The following ABHD13 variants were observed in gnomAD, a reference collection of about 807,000 sequenced individuals.
The protein encoded by ABHD13 is abhydrolase domain containing 13, also known as protein ABHD13.
A neutral mutation model predicts 25.2 loss-of-function variants in ABHD13; 7 were observed. The observed-to-expected ratio is 0.28, with a 90% CI of 0.16 to 0.52. ABHD13 has a LOEUF of 0.52. Among genes scored for constraint, ABHD13 ranks in the 20% least tolerant of loss-of-function variants. ABHD13 has a pLI of 0.96. For missense variants in ABHD13, 302 were observed against 402.7 expected (o/e 0.75, Z 2.14); for synonymous variants, 133 against 136.1 (o/e 0.98, Z 0.16).
intron 1 of ABHD13, among the ~76,000 whole-genome samples, chr13:108,225,458 A>G (rs929915238): frequency 6.6e-6 from 1 of 152,168 alleles, no homozygotes. Context: ...AGAAACAGCA[A>G]TTTGAGTGTA....
At chr13:108,227,543 T>C (rs754158358) in intron 1 of ABHD13, among the ~76,000 whole-genome samples, 2 of 152,086 alleles carry the variant, frequency 1.3e-5, no homozygotes, top group Non-Finnish European at 2.9e-5. Flanking sequence ...TTTTAAAATA[T>C]GCCTTATTCG....
At chr13:108,222,443 T>C (rs1879588758) in intron 1 of ABHD13, among the ~76,000 whole-genome samples, 1 of 152,064 alleles carries the variant, frequency 6.6e-6, no homozygotes. Flanking sequence ...TTTAAAAAAA[T>C]GTAATATATC....
chr13:108,230,393 T>C lies in ABHD13; in HGVS notation c.*161T>C, dbSNP rs1322513384. 7 of 612,216 alleles carry C rather than the reference T, an allele frequency of 1.1e-5. No homozygotes were observed. The Admixed American group carries it at 2.2e-4, about 19-fold the overall frequency. 37.9% of individuals were successfully genotyped at this position (612,216 alleles called of 1,614,324 possible). On this transcript the variant is annotated 3_prime_UTR_variant, in exon 2 of 2. Transcript: ENST00000375898. ...CGATATTCCAAATAGTTTTTTACAT[T>C]GGAAAAACTAATTCTTGGGATTCTT...
At chr13:108,226,237 G>A (rs1410702652) in intron 1 of ABHD13, among the ~76,000 whole-genome samples, 1 of 152,142 alleles carries the variant, frequency 6.6e-6, no homozygotes, top group African/African-American at 2.4e-5. Flanking sequence ...ATGACACAAG[G>A]GTGGGAGTGA....
In ABHD13 at chr13:108,234,014, TATAAA is replaced by T. The variant is rs1323774567; in HGVS notation, c.*3787_*3791del. ...TTTTAACATATTCAAGTATGTTCAGTATAAAATAAGTTAATCCCATTTCATAATGT... is the reference window on the plus strand; with the variant it reads ...TTTTAACATATTCAAGTATGTTCAGTATAAGTTAATCCCATTTCATAATGT... On this transcript the variant is annotated 3_prime_UTR_variant, in exon 2 of 2. Transcript: ENST00000375898. The T allele has an allele frequency of 6.0e-6, 1 of 166,418 alleles. No homozygotes were observed. The highest frequency in any genetic ancestry group is 1.5e-5 in the Non-Finnish European group (1 of 67,962). The allele number at this position is 166,418 out of a possible 1,614,324, so 10.3% of individuals were successfully genotyped here.
chr13:108,227,409 ATTTTAATTCAGTATTTGCTAAAATT>A, intron 1 of ABHD13, among the ~76,000 whole-genome samples: 1 of 151,672 alleles, frequency 6.6e-6, no homozygotes, highest in South Asian at 2.1e-4. Context: ...AGTCTTATAA[ATTTTAATTCAGTATTTGCTAAAATT>A]AGATGTTAGA....
At chr13:108,220,060 T>C (rs975473073) in intron 1 of ABHD13, among the ~76,000 whole-genome samples, 3 of 152,206 alleles carry the variant, frequency 2.0e-5, no homozygotes, top group Admixed American at 2.0e-4. Flanking sequence ...TTACATTTTA[T>C]CTCAACAGTA....
rs191494574 is a variant in ABHD13, at chr13:108,223,780, T to G, written c.-21+5121T>G. 1.7e-3 allele frequency among the ~76,000 whole-genome samples: 255 copies of G among 152,338 alleles called. 2 individuals are homozygous for G. Among genetic ancestry groups the G allele is most frequent in the African/African-American group, 5.7e-3 (237 of 41,586 alleles). Reference sequence around the variant, plus strand: ...GGGACCCTCAGGTTTCTGACCACCTTTTGAGAACCACTGGCATAGAAAGAT... The same window carrying G: ...GGGACCCTCAGGTTTCTGACCACCTGTTGAGAACCACTGGCATAGAAAGAT... On this transcript the variant is annotated intron_variant, in intron 1 of 1. Transcript: ENST00000375898.
At position 108,229,331 on chromosome 13, in the gene ABHD13, A is replaced by T; in HGVS notation, c.113A>T (p.His38Leu). The T allele has an allele frequency of 6.2e-7, 1 of 1,612,726 alleles. No homozygotes were observed. The highest frequency in any genetic ancestry group is 8.5e-7 in the Non-Finnish European group (1 of 1,179,242). Residue 38 changes from histidine to leucine, a missense_variant, in exon 2 of 2, where the codon CAT becomes CTT. Transcript: ENST00000375898. The surrounding 1 kb of genome is among the most constrained non-coding windows in gnomAD (Gnocchi z 4.7). The part of the protein sequence containing the change: ...ISLLPLIVTF[H>L]LYGGIILLLL... ...CTTTTACCTTTAATAGTGACTTTTC[A>T]TCTGTATGGAGGCATTATCTTACTT...
At chr13:108,224,156 ATCTT>A (rs1879625141) in intron 1 of ABHD13, among the ~76,000 whole-genome samples, 1 of 152,218 alleles carries the variant, frequency 6.6e-6, no homozygotes, top group South Asian at 2.1e-4. Flanking sequence ...GACAATTGTC[ATCTT>A]TCTTTGATTT....
At chr13:108,224,252 AGAGTTGCTT>A (rs1298231994) in intron 1 of ABHD13, among the ~76,000 whole-genome samples, 6 of 152,232 alleles carry the variant, frequency 3.9e-5, no homozygotes, top group Non-Finnish European at 7.3e-5. Flanking sequence ...GAGTACCTCA[AGAGTTGCTT>A]GAACGTTACT....
Position 108,230,357 on chromosome 13 carries a change from C to A in ABHD13, c.*125C>A. 1 of 777,740 alleles carries A rather than the reference C, an allele frequency of 1.3e-6. No individual in the cohort carries two copies. Among genetic ancestry groups the A allele is most frequent in the Non-Finnish European group, 2.0e-6 (1 of 499,940 alleles). 48.2% of individuals were successfully genotyped at this position (777,740 alleles called of 1,614,324 possible). On this transcript the variant is annotated 3_prime_UTR_variant, in exon 2 of 2. Coordinates refer to ENST00000375898, the MANE Select transcript of ABHD13 (RefSeq NM_032859.3). ...GACATTAAACTTTGAAAGGACTTCA[C>A]TGCTCCTTTACGATATTCCAAATAG...
Position 108,232,040 on chromosome 13 carries a change from C to T in ABHD13, c.*1808C>T, listed in dbSNP as rs982640264. On this transcript the variant is annotated 3_prime_UTR_variant, in exon 2 of 2. Coordinates refer to ENST00000375898, the MANE Select transcript of ABHD13 (RefSeq NM_032859.3). ...ATATTAATGTATTAAAAAGAAAATA[C>T]AACAAAATGTATATTTAGACACGAG... The T allele has an allele frequency of 6.0e-6, 1 of 166,390 alleles. No individual in the cohort carries two copies. The highest frequency in any genetic ancestry group is 2.4e-5 in the African/African-American group (1 of 41,338). 10.3% of individuals were successfully genotyped at this position (166,390 alleles called of 1,614,324 possible).
chr13:108,228,551 C>G (rs995820881), intron 1 of ABHD13, among the ~76,000 whole-genome samples: 1 of 150,974 alleles, frequency 6.6e-6, no homozygotes, highest in Non-Finnish European at 1.5e-5. Flanking sequence ...ATTAAAACTT[C>G]GAGGTAGAGG....
rs1296147464 is a variant in ABHD13, at chr13:108,231,521, C to A, written c.*1289C>A. ...TGTATAGAAAAGTAAGAAAATCTTA[C>A]TTAGAAAAAAGCCCCTTGAAACTTG... On this transcript the variant is annotated 3_prime_UTR_variant, in exon 2 of 2. Coordinates refer to ENST00000375898, the MANE Select transcript of ABHD13 (RefSeq NM_032859.3). 1 of 166,694 alleles carries A rather than the reference C, an allele frequency of 6.0e-6. No individual in the cohort carries two copies. The highest frequency in any genetic ancestry group is 2.4e-5 in the African/African-American group (1 of 41,370). 10.3% of individuals were successfully genotyped at this position (166,694 alleles called of 1,614,324 possible). A position where few individuals can be genotyped will look rare whatever the true frequency, so the allele number is the denominator to read the frequency against.
At chr13:108,227,657 A>G (rs542345579) in intron 1 of ABHD13, among the ~76,000 whole-genome samples, 1 of 152,174 alleles carries the variant, frequency 6.6e-6, no homozygotes, top group South Asian at 2.1e-4. Context: ...ACCAGTCACA[A>G]AAGCAAATAA....
At chr13:108,218,987 A>G (rs186554576) in intron 1 of ABHD13, among the ~76,000 whole-genome samples, 1 of 152,208 alleles carries the variant, frequency 6.6e-6, no homozygotes, top group East Asian at 1.9e-4. Flanking sequence ...GTCGTTTTGT[A>G]ATTGGAACCT....
chr13:108,219,930 C>T (rs1478679218), intron 1 of ABHD13, among the ~76,000 whole-genome samples: 1 of 152,168 alleles, frequency 6.6e-6, no homozygotes, highest in Non-Finnish European at 1.5e-5. Context: ...GAATCATATC[C>T]ATTATTTGAT....
In ABHD13 at chr13:108,229,793, G is replaced by A. The variant is rs1232285141; in HGVS notation, c.575G>A (p.Arg192His). Residue 192 changes from arginine (R) to histidine (H), a missense_variant, in exon 2 of 2, where the codon CGT (arginine) becomes CAT (histidine). Arg to His is a conservative substitution (Grantham distance 29, BLOSUM62 0). Transcript: ENST00000375898. This position sits in a 1 kb window ranked among gnomAD's most constrained non-coding sequence, Gnocchi z 4.7. ...AAAACAAAAATTTTTCTTTTTGGCC[G>A]TTCCTTGGGTGGAGCAGTGGCTATT... Reference protein sequence around the residue: ...LDKTKIFLFGRSLGGAVAIHL... With the variant: ...LDKTKIFLFGHSLGGAVAIHL... The A allele has an allele frequency of 6.8e-6, 11 of 1,613,296 alleles. No individual in the cohort carries two copies. The highest frequency in any genetic ancestry group is 2.2e-5 in the South Asian group (2 of 91,054).
Sources: allele counts gnomAD v4.1 joint callset (sites outside exome capture counted in the v4.1 genomes callset), GRCh38; gene constraint gnomAD v4.1.1; non-coding constraint Gnocchi (gnomAD v3.1); transcripts MANE v1.5; gene names NCBI Gene and HGNC (gene_info 2026-07-23, HGNC 2026-07-21).